CNOT3: variants seen among roughly 807,000 people sequenced by gnomAD.
CNOT3 encodes the protein CCR4-associated factor 3.
CNOT3 carries 2 observed loss-of-function variants against 89.4 expected under a neutral mutation model. The ratio of observed to expected loss-of-function variants is 0.02; its 90% CI spans 0.01 to 0.07. The LOEUF (loss-of-function observed/expected upper bound fraction) is 0.07, where lower values mean the gene tolerates loss of function less well. Among genes scored for constraint, CNOT3 ranks in the 10% least tolerant of loss-of-function variants. The pLI is 1.00. For synonymous variants in CNOT3, 486 were observed against 402.0 expected, an observed-to-expected ratio of 1.21 and a Z score of -2.50; for missense variants, 664 against 1,010.2, an observed-to-expected ratio of 0.66 and a Z score of 4.65.
intron 13 of CNOT3, among the ~76,000 whole-genome samples, chr19:54,150,839 G>A (rs587760058): frequency 6.6e-6 from 1 of 151,238 alleles, no homozygotes; most frequent in South Asian, 2.1e-4. Flanking sequence ...CACCCAGGCT[G>A]GAGTGCAGTG....
chr19:54,138,555 C>T (rs1377237649), intron 1 of CNOT3, among the ~76,000 whole-genome samples: 2 of 152,066 alleles, frequency 1.3e-5, no homozygotes, highest in African/African-American at 4.8e-5. Context: ...GGGGGAGTCA[C>T]CCTTCCCAGG....
At chr19:54,151,823 T>C (rs1244024130) in intron 13 of CNOT3, among the ~76,000 whole-genome samples, 2 of 152,146 alleles carry the variant, frequency 1.3e-5, no homozygotes, top group Non-Finnish European at 2.9e-5. Flanking sequence ...CCTGCCTCCT[T>C]CAAGACAGGC....
Position 54,138,210 on chromosome 19 carries a change from T to C in CNOT3, c.-51+217T>C, listed in dbSNP as rs181397046. Among the ~76,000 whole-genome samples, 1,342 of 151,156 alleles carry C rather than the reference T, an allele frequency of 8.9e-3. 11 individuals are homozygous for C. Among genetic ancestry groups the C allele is most frequent in the Admixed American group, 0.017 (252 of 15,246 alleles). On this transcript the variant is annotated intron_variant, in intron 1 of 17. Transcript: ENST00000221232. Reference sequence around the variant, plus strand: ...TCCCGTTCCTGCGCCTCTTTCACGTTCCTCAGCGCCTCCCGGGGGTCCTTC... The same window carrying C: ...TCCCGTTCCTGCGCCTCTTTCACGTCCCTCAGCGCCTCCCGGGGGTCCTTC...
In CNOT3 at chr19:54,143,765, C is replaced by A; in HGVS notation, c.258+16C>A. ...CATTGAGACGGTAGGAGCCCAGAGC[C>A]TGAGTCCCAGAGAGGTGGGAAGGTC... is the stretch of plus-strand genomic sequence containing the variant. On this transcript the variant is annotated intron_variant, in intron 5 of 17. Transcript: ENST00000221232. 2 of 1,611,430 alleles carry A rather than the reference C, an allele frequency of 1.2e-6. No individual in the cohort carries two copies. The highest frequency in any genetic ancestry group is 2.2e-5 in the South Asian group (2 of 91,008).
Position 54,155,512 on chromosome 19 carries a change from C to T in CNOT3, c.*105C>T. 2 of 930,372 alleles carry T rather than the reference C, an allele frequency of 2.1e-6. No individual in the cohort carries two copies. The allele number at this position is 930,372 out of a possible 1,614,324, so 57.6% of individuals were successfully genotyped here. A position where few individuals can be genotyped will look rare whatever the true frequency, so the allele number is the denominator to read the frequency against. On this transcript the variant is annotated 3_prime_UTR_variant, in exon 18 of 18. Coordinates refer to ENST00000221232, the MANE Select transcript of CNOT3 (RefSeq NM_014516.4). The stretch of plus-strand genomic sequence containing the variant: ...TGGAGGGAGGCCCCAAGCCACGGGG[C>T]ATCCCCCTCTCCCAGGAAGCAGGGA...
At position 54,152,498 on chromosome 19, in the gene CNOT3, C is replaced by G; in HGVS notation, c.1776C>G (p.Asn592Lys). Residue 592 changes from asparagine (N) to lysine (K), a missense_variant, in exon 15 of 18, where the codon AAC becomes AAG. By Grantham distance (94) the Asn-to-Lys change is moderately conservative. Transcript: ENST00000221232. ...AQPPLQLSEV[N>K]IPLSLGVCPL... Reference sequence around the variant, plus strand: ...CGCCCCTGCAGCTGTCAGAGGTGAACATACCGCTGTCGCTGGGTGTCTGTC... The same window carrying G: ...CGCCCCTGCAGCTGTCAGAGGTGAAGATACCGCTGTCGCTGGGTGTCTGTC... 1 of 1,614,226 alleles carries G rather than the reference C, an allele frequency of 6.2e-7. No individual in the cohort carries two copies. The highest frequency in any genetic ancestry group is 8.5e-7 in the Non-Finnish European group (1 of 1,180,026).
In CNOT3 at chr19:54,148,460, A is replaced by G. The variant is rs587663518; in HGVS notation, c.1207A>G (p.Ser403Gly). The change falls in exon 11 of 18, where the codon AGC (serine) becomes GGC (glycine). Residue 403 changes from serine to glycine, a missense_variant. By Grantham distance (56) the Ser-to-Gly change is moderately conservative. Coordinates refer to ENST00000221232, the MANE Select transcript of CNOT3 (RefSeq NM_014516.4). This position sits in a 1 kb window ranked among gnomAD's most constrained non-coding sequence, Gnocchi z 6.3. ...GCCTAGCGGAGGCGGAGGCGGCGGC[A>G]GCGGAGGCGGAGGGAGCAGCAGCAG... is the stretch of plus-strand genomic sequence containing the variant. ...VQPSGGGGGGSGGGGSSSSSN... is the reference protein window; with the variant it reads ...VQPSGGGGGGGGGGGSSSSSN... 5.1e-5 allele frequency: 80 copies of G among 1,563,964 alleles called. No homozygotes were observed. The East Asian group carries it at 1.7e-3, about 34-fold the overall frequency.
intron 16 of CNOT3, chr19:54,153,420 A>G (rs577164461): frequency 1.3e-6 from 1 of 767,842 alleles, no homozygotes; most frequent in Non-Finnish European, 2.4e-6. Context: ...CTCCACCCTC[A>G]TCCCCACTTG....
In CNOT3 at chr19:54,153,828, C is replaced by T. The variant is rs142219324; in HGVS notation, c.2151C>T (p.Asp717=). The T allele has an allele frequency of 6.2e-5, 100 of 1,614,206 alleles. No homozygotes were observed. In the African/African-American group the frequency reaches 1.1e-3, roughly 18 times the overall value. ...ACGAGGAGCCCAAGACCATCACTGA[C>T]GAGTTTGAGCAGGTGAGGGCCCCGC... The part of the protein sequence containing the change: ...QRHEEPKTIT[D]EFEQGTYIYF... The change falls in exon 17 of 18, where the codon GAC becomes GAT. Residue 717 remains aspartate, a synonymous_variant. Transcript: ENST00000221232.
chr19:54,148,800 G>C lies in CNOT3; in HGVS notation c.1406+57G>C, dbSNP rs370085792. The C allele has an allele frequency of 6.4e-7, 1 of 1,568,068 alleles. No individual in the cohort carries two copies. The highest frequency in any genetic ancestry group is 1.4e-5 in the African/African-American group (1 of 74,014). ...TGGCAGCCTTTTGAAACAGAGAGGC[G>C]CAGGCGCCTCACCCCCGCATCGGTG... is the stretch of plus-strand genomic sequence containing the variant. On this transcript the variant is annotated intron_variant, in intron 12 of 17. Transcript: ENST00000221232. This position sits in a 1 kb window ranked among gnomAD's most constrained non-coding sequence, Gnocchi z 6.3.
intron 10 of CNOT3, among the ~76,000 whole-genome samples, chr19:54,147,611 C>A (rs1489996746): frequency 1.3e-5 from 2 of 152,202 alleles, no homozygotes; most frequent in African/African-American, 4.8e-5. Context: ...GTGCTGTCCG[C>A]AGATTGCCTG....
At chr19:54,143,576 G>C in intron 4 of CNOT3, 60 bp downstream of exon 4, 1 of 1,605,704 alleles carries the variant, frequency 6.2e-7, no homozygotes, top group Non-Finnish European at 8.5e-7. Context: ...TGGGAGAGTG[G>C]ACTGCTGGGT....
rs587637420 is a variant in CNOT3, at chr19:54,145,484, G to C, written c.484-114G>C. ...ACTGCCCCACCCCGAAGGGGATGGC[G>C]TGGAGGCTTTGGGTCTCCACAGGGG... On this transcript the variant is annotated intron_variant, in intron 7 of 17. Transcript: ENST00000221232. The surrounding 1 kb of genome is among the most constrained non-coding windows in gnomAD (Gnocchi z 5.9). 6 of 718,194 alleles carry C rather than the reference G, an allele frequency of 8.4e-6. No homozygotes were observed. Among genetic ancestry groups the C allele is most frequent in the Non-Finnish European group, 4.9e-6 (2 of 406,332 alleles). 44.5% of individuals were successfully genotyped at this position (718,194 alleles called of 1,614,324 possible).
chr19:54,142,270 G>C (rs1160257427), intron 1 of CNOT3: 4 of 152,432 alleles, frequency 2.6e-5, no homozygotes, highest in Admixed American at 2.0e-4. Context: ...TTTCCTTTTG[G>C]TTTAAGGATC....
chr19:54,152,872 A>G lies in CNOT3; in HGVS notation c.1910A>G (p.Tyr637Cys). The G allele has an allele frequency of 7.1e-7, 1 of 1,410,350 alleles. No individual in the cohort carries two copies. Among genetic ancestry groups the G allele is most frequent in the Non-Finnish European group, 9.8e-7 (1 of 1,016,038 alleles). The allele number at this position is 1,410,350 out of a possible 1,614,324, so 87.4% of individuals were successfully genotyped here. A position where few individuals can be genotyped will look rare whatever the true frequency, so the allele number is the denominator to read the frequency against. The change falls in exon 16 of 18, where the codon TAC (tyrosine) becomes TGC (cysteine). Residue 637 changes from tyrosine (Y) to cysteine (C), a missense_variant. By Grantham distance (194) the Tyr-to-Cys change is radical. Around this residue, in one of 8 missense-constraint regions of CNOT3, gnomAD observed 545 missense variants for 566.2 expected, o/e 0.96. Transcript: ENST00000221232. ...HPSDSERIRQ[Y>C]LPRNPCPTPP... is the part of the protein sequence containing the mutation. ...CCTTCCTGTTGCTCTCACAGGCAGT[A>G]CCTCCCCCGGAACCCCTGTCCGACG...
At chr19:54,154,323 T>C (rs1339858040) in intron 17 of CNOT3, 1 of 307,142 alleles carries the variant, frequency 3.3e-6, no homozygotes, top group Non-Finnish European at 6.5e-6. Flanking sequence ...TCCTGCTGCT[T>C]GCAAACACTC....
chr19:54,153,040 T>G, intron 16 of CNOT3, 41 bp downstream of exon 16: 1 of 1,579,898 alleles, frequency 6.3e-7, no homozygotes, highest in Non-Finnish European at 8.6e-7. Context: ...CCCCCCGGCT[T>G]CGCCGCCACC....
intron 17 of CNOT3, 39 bp downstream of exon 17, chr19:54,153,879 G>A (rs752745449): frequency 2.5e-6 from 4 of 1,613,778 alleles, no homozygotes; most frequent in African/African-American, 2.7e-5. Context: ...TGCTAGGGTT[G>A]GGGTAGAGTC....
intron 13 of CNOT3, among the ~76,000 whole-genome samples, chr19:54,151,717 T>C (rs2075124447): frequency 6.6e-6 from 1 of 152,068 alleles, no homozygotes; most frequent in Non-Finnish European, 1.5e-5. Context: ...AACCTACCTG[T>C]TTCCAGCAAG....
Sources: allele counts gnomAD v4.1 joint callset (sites outside exome capture counted in the v4.1 genomes callset), GRCh38; gene constraint gnomAD v4.1.1; regional missense constraint gnomAD v4.1.1; non-coding constraint Gnocchi (gnomAD v3.1); transcripts MANE v1.5; gene names NCBI Gene and HGNC (gene_info 2026-07-23, HGNC 2026-07-21).